The following KAZN variants were observed in gnomAD, a reference collection of about 807,000 sequenced individuals.
The protein encoded by KAZN is kazrin, periplakin interacting protein.
KAZN carries 40 observed loss-of-function variants against 87.4 expected under a neutral mutation model. That is an observed-to-expected ratio of 0.46 (90% CI 0.36 to 0.60). KAZN has a LOEUF of 0.60. KAZN is among the 20% of genes least tolerant of loss of function. The pLI is 0.00. For synonymous variants in KAZN, 466 were observed against 458.3 expected (o/e 1.02, Z -0.22); for missense variants, 898 against 1,073.9 (o/e 0.84, Z 2.29).
intron 1 of KAZN, among the ~76,000 whole-genome samples, chr1:14,754,759 A>T (rs1239180305): frequency 1.3e-5 from 2 of 152,052 alleles, no homozygotes; most frequent in Admixed American, 1.3e-4. Flanking sequence ...AGAGGGAGAG[A>T]AAAGTGTGCT....
intron 2 of KAZN, among the ~76,000 whole-genome samples, chr1:14,288,748 T>C (rs570104646): frequency 6.6e-6 from 1 of 152,334 alleles, no homozygotes; most frequent in African/African-American, 2.4e-5. Context: ...TGCTCTTGCT[T>C]CTCTAGTTCT....
At chr1:14,374,204 C>T (rs1432853543) in intron 2 of KAZN, among the ~76,000 whole-genome samples, 1 of 152,180 alleles carries the variant, frequency 6.6e-6, no homozygotes, top group Non-Finnish European at 1.5e-5. Context: ...TCAACAAAAT[C>T]CCAGCTGCCT....
rs542773279 is a variant in KAZN at position 14,093,345 on chromosome 1, G to A, written c.92-87090G>A. The stretch of plus-strand genomic sequence containing the variant: ...ACCAACCCCTGTGCTATCTTACTCC[G>A]TTTCAAATGTCATCATTTACATTTT... On this transcript the variant is annotated intron_variant, in intron 1 of 16. Coordinates refer to the KAZN transcript ENST00000636203. Among the ~76,000 whole-genome samples, 11 of 152,206 alleles carry A rather than the reference G, an allele frequency of 7.2e-5. No homozygotes were observed. In the East Asian group the frequency reaches 1.5e-3, roughly 21 times the overall value.
In KAZN at chr1:14,598,881, G is replaced by C; in HGVS notation, c.-117G>C. 6.8e-7 allele frequency: 1 copy of C among 1,469,726 alleles called. No individual in the cohort carries two copies. 91.0% of individuals were successfully genotyped at this position (1,469,726 alleles called of 1,614,324 possible). A position where few individuals can be genotyped will look rare whatever the true frequency, so the allele number is the denominator to read the frequency against. ...GCCGGTGCCTGGGGGTCGGGGCGCG[G>C]GCGAAGCCGGGCCGCGGAGGACACA... On this transcript the variant is annotated 5_prime_UTR_variant, in exon 1 of 15. Transcript: ENST00000376030. The surrounding 1 kb of genome is among the most constrained non-coding windows in gnomAD (Gnocchi z 4.2).
At chr1:14,553,600 G>A (rs1331805409) in intron 2 of KAZN, among the ~76,000 whole-genome samples, 3 of 152,128 alleles carry the variant, frequency 2.0e-5, no homozygotes, top group African/African-American at 4.8e-5. Flanking sequence ...AGGGCCATGC[G>A]GCTAGTGAAG....
intron 1 of KAZN, among the ~76,000 whole-genome samples, chr1:14,128,285 C>T (rs1440229233): frequency 6.6e-6 from 1 of 150,506 alleles, no homozygotes; most frequent in Non-Finnish European, 1.5e-5. Context: ...TCTCCATGGG[C>T]AGCCAAGTGG....
chr1:14,631,147 G>A (rs1679531576), intron 1 of KAZN, among the ~76,000 whole-genome samples: 3 of 152,074 alleles, frequency 2.0e-5, no homozygotes, highest in African/African-American at 7.2e-5. Flanking sequence ...AGGTCCATCA[G>A]CATCCAATCA....
At chr1:14,919,525 G>C (rs1376785337) in intron 1 of KAZN, among the ~76,000 whole-genome samples, 3 of 152,196 alleles carry the variant, frequency 2.0e-5, no homozygotes, top group African/African-American at 7.2e-5. Flanking sequence ...TGACATTGTG[G>C]CTGAGGTCTT....
At chr1:14,736,678 A>G (rs1209745295) in intron 1 of KAZN, among the ~76,000 whole-genome samples, 1 of 152,080 alleles carries the variant, frequency 6.6e-6, no homozygotes, top group African/African-American at 2.4e-5. Flanking sequence ...CCACACTTTA[A>G]GAAACACTGG....
At chr1:14,187,285 AT>A (rs540409184) in intron 2 of KAZN, among the ~76,000 whole-genome samples, 112 of 152,302 alleles carry the variant, frequency 7.4e-4, no homozygotes, top group African/African-American at 2.6e-3. Flanking sequence ...CTGGCTTCAG[AT>A]ATAGAATACC....
At chr1:14,470,477 G>A (rs886556573) in intron 2 of KAZN, among the ~76,000 whole-genome samples, 4 of 152,180 alleles carry the variant, frequency 2.6e-5, no homozygotes, top group African/African-American at 9.7e-5. Context: ...TTGACAGTCT[G>A]GTCATGTCAA....
At chr1:14,427,813 C>A (rs1665824636) in intron 2 of KAZN, among the ~76,000 whole-genome samples, 3 of 152,146 alleles carry the variant, frequency 2.0e-5, no homozygotes, top group African/African-American at 7.2e-5. Context: ...TACTTAGTTT[C>A]TAGGTTCTCA....
chr1:14,625,144 T>C (rs1572075023), intron 1 of KAZN, among the ~76,000 whole-genome samples: 1 of 152,158 alleles, frequency 6.6e-6, no homozygotes, highest in East Asian at 1.9e-4. Flanking sequence ...TTAGCAGCGG[T>C]ACCCAGGGTG....
chr1:14,815,304 T>C (rs1205243355), intron 1 of KAZN, among the ~76,000 whole-genome samples: 1 of 152,032 alleles, frequency 6.6e-6, no homozygotes, highest in Non-Finnish European at 1.5e-5. Flanking sequence ...TGCTGGGCGC[T>C]CCCTGAGGCA....
chr1:14,551,796 A>G (rs773511356), intron 2 of KAZN, among the ~76,000 whole-genome samples: 1 of 152,298 alleles, frequency 6.6e-6, no homozygotes, highest in Non-Finnish European at 1.5e-5. Flanking sequence ...AGAGTGGGCA[A>G]TTACCAAAGG....
At chr1:14,257,717 C>G (rs1650629784) in intron 2 of KAZN, among the ~76,000 whole-genome samples, 1 of 142,832 alleles carries the variant, frequency 7.0e-6, no homozygotes, top group South Asian at 2.2e-4. Context: ...GCACCATATT[C>G]TCACTCATAG....
chr1:14,260,177 G>A (rs965409950), intron 2 of KAZN, among the ~76,000 whole-genome samples: 3 of 152,046 alleles, frequency 2.0e-5, no homozygotes, highest in African/African-American at 7.3e-5. Context: ...GATATGCCAG[G>A]CACTTTTCTA....
chr1:14,209,484 C>G (rs1374919498), intron 2 of KAZN, among the ~76,000 whole-genome samples: 3 of 152,176 alleles, frequency 2.0e-5, no homozygotes, highest in Non-Finnish European at 4.4e-5. Context: ...TCTGCCTGCC[C>G]TTCACAAATA....
chr1:13,956,828 T>A (rs1480472601), intron 1 of KAZN, among the ~76,000 whole-genome samples: 3 of 152,192 alleles, frequency 2.0e-5, no homozygotes, highest in Non-Finnish European at 4.4e-5. Context: ...TGTTTTGTTT[T>A]TTAGATAGAT....
Sources: allele counts gnomAD v4.1 joint callset (sites outside exome capture counted in the v4.1 genomes callset), GRCh38; gene constraint gnomAD v4.1.1; non-coding constraint Gnocchi (gnomAD v3.1); transcripts MANE v1.5; gene names NCBI Gene and HGNC (gene_info 2026-07-23, HGNC 2026-07-21).